Variants in FAM107B observed in about 807,000 individuals in gnomAD.
The protein encoded by FAM107B is protein FAM107B.
FAM107B carries 21 observed loss-of-function variants against 31.5 expected under a neutral mutation model. That is an observed-to-expected ratio of 0.67 (90% CI 0.47 to 0.96). The LOEUF is 0.96. Ranked by LOEUF, FAM107B falls within the 40% of genes least tolerant of loss-of-function variation. The pLI is 0.00. For missense variants in FAM107B, 452 were observed against 377.1 expected (o/e 1.20, Z -1.64); for synonymous variants, 157 against 141.5 (o/e 1.11, Z -0.78).
intron 1 of FAM107B, among the ~76,000 whole-genome samples, chr10:14,767,641 C>T (rs2131597700): frequency 6.6e-6 from 1 of 152,008 alleles, no homozygotes; most frequent in South Asian, 2.1e-4. Flanking sequence ...AAAAAATACT[C>T]AAAAGGTTAG....
chr10:14,743,494 T>C (rs1832664155), intron 1 of FAM107B, among the ~76,000 whole-genome samples: 1 of 152,224 alleles, frequency 6.6e-6, no homozygotes, highest in African/African-American at 2.4e-5. Context: ...GGGTTTTACA[T>C]TTAAGTCTTT....
intron 1 of FAM107B, among the ~76,000 whole-genome samples, chr10:14,683,478 G>A (rs997200263): frequency 1.3e-5 from 2 of 152,236 alleles, no homozygotes; most frequent in Non-Finnish European, 2.9e-5. Flanking sequence ...AGAACCAGTT[G>A]TGTAGGAAAG....
rs1224125866 is a variant in FAM107B, at chr10:14,774,889, T to G, written c.-226A>C. 9.0e-6 allele frequency: 5 copies of G among 558,504 alleles called. No individual in the cohort carries two copies. In the East Asian group the frequency reaches 1.5e-4, roughly 17 times the overall value. The allele number at this position is 558,504 out of a possible 1,614,324, so 34.6% of individuals were successfully genotyped here. A position where few individuals can be genotyped will look rare whatever the true frequency, so the allele number is the denominator to read the frequency against. ...TCCATCCTGGGCAATTTCGCGCTCT[T>G]CCTTCTGTGATGCTGTCAGTGGCTA... On this transcript the variant is annotated 5_prime_UTR_variant, in exon 1 of 5. Coordinates refer to ENST00000181796, the MANE Select transcript of FAM107B (RefSeq NM_031453.4).
intron 2 of FAM107B, among the ~76,000 whole-genome samples, chr10:14,618,196 A>G (rs1852901936): frequency 6.6e-6 from 1 of 152,140 alleles, no homozygotes; most frequent in Non-Finnish European, 1.5e-5. Flanking sequence ...TTCACTTCAC[A>G]AGACGCTTTT....
chr10:14,581,616 C>A (rs1851638868), intron 2 of FAM107B, among the ~76,000 whole-genome samples: 1 of 152,202 alleles, frequency 6.6e-6, no homozygotes, highest in African/African-American at 2.4e-5. Flanking sequence ...AAAATCAATG[C>A]CCAGCCAGGC....
At position 14,632,641 on chromosome 10, in the gene FAM107B, A is replaced by G. The variant is rs564940130; in HGVS notation, c.469+34993T>C. 3.6e-4 allele frequency among the ~76,000 whole-genome samples: 55 copies of G among 151,970 alleles called. 2 individuals carry two copies. The South Asian group carries it at 0.011, about 31-fold the overall frequency. On this transcript the variant is annotated intron_variant, in intron 2 of 4. Coordinates refer to ENST00000181796, the MANE Select transcript of FAM107B (RefSeq NM_031453.4). Reference sequence around the variant, plus strand: ...AAAAAAAAAAAAAGAGAATTCAGAAATCTTCGTCTAAGAATTATTACGTAA... The same window carrying G: ...AAAAAAAAAAAAAGAGAATTCAGAAGTCTTCGTCTAAGAATTATTACGTAA...
At chr10:14,749,043 G>A (rs977816188) in intron 1 of FAM107B, among the ~76,000 whole-genome samples, 1 of 152,190 alleles carries the variant, frequency 6.6e-6, no homozygotes, top group Non-Finnish European at 1.5e-5. Context: ...AAGAAAAAGA[G>A]CCAGAATGCT....
chr10:14,530,830 A>C (rs1846901952), intron 2 of FAM107B, among the ~76,000 whole-genome samples: 1 of 152,136 alleles, frequency 6.6e-6, no homozygotes, highest in African/African-American at 2.4e-5. Context: ...CTCCATATCG[A>C]CCTCAGAACA....
At chr10:14,571,859 T>C (rs2131269716) in intron 2 of FAM107B, 1 of 985,442 alleles carries the variant, frequency 1.0e-6, no homozygotes, top group South Asian at 4.7e-5. Context: ...CAGGAAGTCA[T>C]CCCCATCCAT....
chr10:14,701,642 C>A (rs562526985), intron 1 of FAM107B, among the ~76,000 whole-genome samples: 1 of 152,124 alleles, frequency 6.6e-6, no homozygotes, highest in Non-Finnish European at 1.5e-5. Flanking sequence ...CCAAAGTCAT[C>A]TCCCAACATC....
At chr10:14,563,027 T>C (rs1460557281) in intron 2 of FAM107B, among the ~76,000 whole-genome samples, 1 of 152,240 alleles carries the variant, frequency 6.6e-6, no homozygotes, top group East Asian at 1.9e-4. Flanking sequence ...AACTTGTCTA[T>C]TCAATCAATG....
chr10:14,611,362 T>C lies in FAM107B; in HGVS notation c.469+56272A>G, dbSNP rs75960987. ...CAAATGGCCAAATTTCTGTGAACAT[T>C]CTACAGTTTGCTCCAACTTTTTTTT... is the stretch of plus-strand genomic sequence containing the variant. On this transcript the variant is annotated intron_variant, in intron 2 of 4. Transcript: ENST00000181796. Among the ~76,000 whole-genome samples, 739 of 152,054 alleles carry C rather than the reference T, an allele frequency of 4.9e-3. 6 individuals carry two copies. The highest frequency in any genetic ancestry group is 0.017 in the African/African-American group (715 of 41,502).
Position 14,528,364 on chromosome 10 carries a change from T to C in FAM107B, c.653+1968A>G, listed in dbSNP as rs369280987. Among the ~76,000 whole-genome samples, 151 of 152,158 alleles carry C rather than the reference T, an allele frequency of 9.9e-4. 4 individuals carry two copies. Among genetic ancestry groups the C allele is most frequent in the African/African-American group, 3.3e-3 (136 of 41,528 alleles). On this transcript the variant is annotated intron_variant, in intron 3 of 4. Transcript: ENST00000181796. ...GCCCGGCTAATTTTTGTATTTTTAG[T>C]AGAGACAGGGTTTCGCCAGGTTGGC... is the stretch of plus-strand genomic sequence containing the variant.
At chr10:14,584,840 C>T (rs951835920) in intron 2 of FAM107B, among the ~76,000 whole-genome samples, 5 of 152,236 alleles carry the variant, frequency 3.3e-5, no homozygotes, top group African/African-American at 9.6e-5. Context: ...TTGGTCCCCT[C>T]TTCCAACCAA....
intron 1 of FAM107B, among the ~76,000 whole-genome samples, chr10:14,672,360 T>C (rs1489829596): frequency 6.6e-6 from 1 of 152,236 alleles, no homozygotes; most frequent in East Asian, 1.9e-4. Flanking sequence ...ACTGCTGGGA[T>C]TACAGGCGTG....
chr10:14,550,961 C>T (rs1849205518), intron 2 of FAM107B, among the ~76,000 whole-genome samples: 2 of 152,126 alleles, frequency 1.3e-5, no homozygotes, highest in Admixed American at 6.5e-5. Context: ...CAAGAAAATA[C>T]AGATCATCAT....
Position 14,774,423 on chromosome 10 carries a change from T to C in FAM107B, c.241A>G (p.Thr81Ala). Residue 81 changes from threonine to alanine, a missense_variant, in exon 1 of 5, where the codon ACC becomes GCC. Transcript: ENST00000181796. ...GCACTGCCATTTCTCTCTGCATGGG[T>C]GCTCGAATCTTGCCTTTTCTCTGGA... The part of the protein sequence containing the change: ...GAPEKRQDSS[T>A]HAERNGSANR... The C allele has an allele frequency of 6.2e-7, 1 of 1,614,162 alleles. No homozygotes were observed. Among genetic ancestry groups the C allele is most frequent in the Non-Finnish European group, 8.5e-7 (1 of 1,180,002 alleles).
At chr10:14,758,282 C>T (rs140886765) in intron 1 of FAM107B, among the ~76,000 whole-genome samples, 108 of 152,190 alleles carry the variant, frequency 7.1e-4, no homozygotes, top group African/African-American at 2.5e-3. Flanking sequence ...TAGAAAATTG[C>T]GAGGATAACG....
intron 1 of FAM107B, among the ~76,000 whole-genome samples, chr10:14,745,240 T>G (rs1395350843): frequency 6.6e-6 from 1 of 152,082 alleles, no homozygotes; most frequent in Non-Finnish European, 1.5e-5. Context: ...TTATTTTTTT[T>G]CAAAAAACCA....
Sources: allele counts gnomAD v4.1 joint callset (sites outside exome capture counted in the v4.1 genomes callset), GRCh38; gene constraint gnomAD v4.1.1; transcripts MANE v1.5; gene names NCBI Gene and HGNC (gene_info 2026-07-23, HGNC 2026-07-21).